STAT4: variants seen among roughly 807,000 people sequenced by gnomAD.
STAT4 encodes the protein signal transducer and activator of transcription 4.
Under a neutral mutation model 110.5 loss-of-function variants are expected in STAT4, and 42 were observed. The ratio of observed to expected loss-of-function variants is 0.38; its 90% CI spans 0.30 to 0.49. STAT4 has a LOEUF of 0.49. STAT4 is among the 20% of genes least tolerant of loss of function. The pLI, the probability that STAT4 is intolerant of heterozygous loss-of-function variation, is 0.95. For synonymous variants in STAT4, 284 were observed against 302.2 expected (o/e 0.94, Z 0.63); for missense variants, 632 against 887.9 (o/e 0.71, Z 3.66).
In STAT4 at chr2:191,061,177, A is replaced by G. The variant is rs1696837908; in HGVS notation, c.1034+552T>C. Among the ~76,000 whole-genome samples, 1 of 152,224 alleles carries G rather than the reference A, an allele frequency of 6.6e-6. No individual in the cohort carries two copies. The highest frequency in any genetic ancestry group is 2.4e-5 in the African/African-American group (1 of 41,458). ...AGTTATGTCTTTAAATCAGGTACAC[A>G]ATAGGGACATATGGAAAACTGTGGT... On this transcript the variant is annotated intron_variant, in intron 10 of 23. Transcript: ENST00000392320. The surrounding 1 kb of genome is among the most constrained non-coding windows in gnomAD (Gnocchi z 6.2).
rs1399869462 is a variant in STAT4, at chr2:191,039,189, TAG to T, written c.1434+8_1434+9del. The T allele has an allele frequency of 1.9e-6, 3 of 1,607,812 alleles. No homozygotes were observed. The highest frequency in any genetic ancestry group is 2.7e-5 in the African/African-American group (2 of 74,776). ...AGCATTAAAGAAGTTGAGGTAGAAA[TAG>T]AGTCTACCTGGGAATCGTTGGTTGA... is the stretch of plus-strand genomic sequence containing the variant. On this transcript the variant is annotated splice_region_variant and intron_variant, in intron 16 of 23. Transcript: ENST00000392320. This position sits in a 1 kb window ranked among gnomAD's most constrained non-coding sequence, Gnocchi z 4.7.
chr2:191,035,620 A>C lies in STAT4; in HGVS notation c.1570+544T>G, dbSNP rs1054805300. 1.2e-4 allele frequency among the ~76,000 whole-genome samples: 19 copies of C among 152,258 alleles called. No homozygotes were observed. Among genetic ancestry groups the C allele is most frequent in the African/African-American group, 4.6e-4 (19 of 41,462 alleles). ...CCAGTGACTCTATTTTGCAAACTTT[A>C]GAAATCTCAGTCAAAGCTGAAACTT... On this transcript the variant is annotated intron_variant, in intron 17 of 23. Transcript: ENST00000392320. The surrounding 1 kb of genome is among the most constrained non-coding windows in gnomAD (Gnocchi z 4.7).
chr2:191,062,292 A>C lies in STAT4; in HGVS notation c.941+470T>G, dbSNP rs1458569635. 6.6e-6 allele frequency among the ~76,000 whole-genome samples: 1 copy of C among 152,114 alleles called. No individual in the cohort carries two copies. Among genetic ancestry groups the C allele is most frequent in the Non-Finnish European group, 1.5e-5 (1 of 67,992 alleles). ...GGCTGTTCTACAACTCCTGAGCTCAAGCAACCCCTTGCCTCAGCCTCCCAA... is the reference window on the plus strand; with the variant it reads ...GGCTGTTCTACAACTCCTGAGCTCACGCAACCCCTTGCCTCAGCCTCCCAA... On this transcript the variant is annotated intron_variant, in intron 9 of 23. Coordinates refer to ENST00000392320, the MANE Select transcript of STAT4 (RefSeq NM_003151.4). The surrounding 1 kb of genome is among the most constrained non-coding windows in gnomAD (Gnocchi z 4.9).
In STAT4 at chr2:191,049,099, C is replaced by CT. The variant is rs149236472; in HGVS notation, c.1251+5390dup. Among the ~76,000 whole-genome samples the CT allele has an allele frequency of 4.7e-3, 702 of 149,890 alleles. 6 individuals carry two copies. Among genetic ancestry groups the CT allele is most frequent in the Middle Eastern group, 0.031 (9 of 286 alleles). On this transcript the variant is annotated intron_variant, in intron 14 of 23. Coordinates refer to ENST00000392320, the MANE Select transcript of STAT4 (RefSeq NM_003151.4). ...GGTCTAGATGTCACCATAGTCTTCT[C>CT]TGTCTCCTCTGCTCAGTGTCTAATA...
rs1486711032 is a variant in STAT4, at chr2:191,039,119, A to C, written c.1434+80T>G. 34 of 1,282,302 alleles carry C rather than the reference A, an allele frequency of 2.7e-5. No homozygotes were observed. Among genetic ancestry groups the C allele is most frequent in the Non-Finnish European group, 3.9e-5 (34 of 879,438 alleles). 79.4% of individuals were successfully genotyped at this position (1,282,302 alleles called of 1,614,324 possible). On this transcript the variant is annotated intron_variant, in intron 16 of 23. Coordinates refer to ENST00000392320, the MANE Select transcript of STAT4 (RefSeq NM_003151.4). This position sits in a 1 kb window ranked among gnomAD's most constrained non-coding sequence, Gnocchi z 4.7. ...CACCCCACACCCCACTGGCACACAC[A>C]TGTTTTGATGCAGATGTGTTTGTTG...
At chr2:191,108,676 C>G (rs902313959) in intron 3 of STAT4, among the ~76,000 whole-genome samples, 2 of 152,136 alleles carry the variant, frequency 1.3e-5, no homozygotes, top group African/African-American at 4.8e-5. Flanking sequence ...TCAACATCAG[C>G]AAAACGGTGA....
chr2:191,099,613 AAAC>A lies in STAT4; in HGVS notation c.274-23291_274-23289del, dbSNP rs1168774755. On this transcript the variant is annotated intron_variant, in intron 3 of 23. Transcript: ENST00000392320. This position sits in a 1 kb window ranked among gnomAD's most constrained non-coding sequence, Gnocchi z 4.1. Reference sequence around the variant, plus strand: ...TATTTCATCATTTACAAAATTTCATAAACAACACACATGTACACATTATATTTT... The same window carrying A: ...TATTTCATCATTTACAAAATTTCATAAACACACATGTACACATTATATTTT... 2.6e-5 allele frequency among the ~76,000 whole-genome samples: 4 copies of A among 152,190 alleles called. No individual in the cohort carries two copies. Among genetic ancestry groups the A allele is most frequent in the Non-Finnish European group, 1.5e-5 (1 of 67,994 alleles).
intron 3 of STAT4, among the ~76,000 whole-genome samples, chr2:191,123,560 G>A (rs1177307876): frequency 6.6e-6 from 1 of 152,166 alleles, no homozygotes; most frequent in African/African-American, 2.4e-5. Flanking sequence ...ATCATCAGTT[G>A]AAAATATTCT....
At chr2:191,076,432 G>T in intron 3 of STAT4, 107 bp from the exon 4 acceptor site, 2 of 799,148 alleles carry the variant, frequency 2.5e-6, no homozygotes, top group Non-Finnish European at 4.0e-6. Context: ...TATTAAATAT[G>T]TGAAATTACT....
At position 191,045,440 on chromosome 2, in the gene STAT4, A is replaced by G. The variant is rs182422271; in HGVS notation, c.1252-4292T>C. Among the ~76,000 whole-genome samples, 221 of 152,290 alleles carry G rather than the reference A, an allele frequency of 1.5e-3. 1 individual carries two copies. The highest frequency in any genetic ancestry group is 1.7e-3 in the Non-Finnish European group (118 of 68,024). The stretch of plus-strand genomic sequence containing the variant: ...CTCATTGTGTTTAATCTCAAAAAGG[A>G]GGTGGAAAATTTGGAGATATAAAGC... On this transcript the variant is annotated intron_variant, in intron 14 of 23. Transcript: ENST00000392320.
intron 3 of STAT4, among the ~76,000 whole-genome samples, chr2:191,137,340 G>GA (rs1173825730): frequency 6.6e-6 from 1 of 151,552 alleles, no homozygotes; most frequent in African/African-American, 2.4e-5. Context: ...TCAAAAAAAA[G>GA]AAAAAAAATT....
intron 13 of STAT4, among the ~76,000 whole-genome samples, chr2:191,054,911 G>GGC (rs1696637706): frequency 2.6e-5 from 4 of 152,200 alleles, no homozygotes; most frequent in Non-Finnish European, 5.9e-5. Flanking sequence ...CAAGTCTAAC[G>GGC]AAGACTAGAA....
In STAT4 at chr2:191,077,215, T is replaced by TG. The variant is rs1486253019; in HGVS notation, c.274-891dup. 6.6e-6 allele frequency among the ~76,000 whole-genome samples: 1 copy of TG among 152,186 alleles called. No homozygotes were observed. Among genetic ancestry groups the TG allele is most frequent in the African/African-American group, 2.4e-5 (1 of 41,438 alleles). ...CCTAATTCAGCCATCAGTTACTTGG[T>TG]GCAAATTAAAATACTGGAATCCCTT... On this transcript the variant is annotated intron_variant, in intron 3 of 23. Coordinates refer to ENST00000392320, the MANE Select transcript of STAT4 (RefSeq NM_003151.4). This position sits in a 1 kb window ranked among gnomAD's most constrained non-coding sequence, Gnocchi z 4.1.
At chr2:191,057,935 A>G in intron 13 of STAT4, 83 bp downstream of exon 13, 1 of 1,199,046 alleles carries the variant, frequency 8.3e-7, no homozygotes, top group East Asian at 2.4e-5. Context: ...TAAGCACAAA[A>G]CATACTGAAT....
Position 191,042,841 on chromosome 2 carries a change from A to T in STAT4, c.1252-1693T>A, listed in dbSNP as rs1391684830. Among the ~76,000 whole-genome samples the T allele has an allele frequency of 6.6e-6, 1 of 151,288 alleles. No individual in the cohort carries two copies. Among genetic ancestry groups the T allele is most frequent in the African/African-American group, 2.4e-5 (1 of 41,058 alleles). On this transcript the variant is annotated intron_variant, in intron 14 of 23. Coordinates refer to ENST00000392320, the MANE Select transcript of STAT4 (RefSeq NM_003151.4). The surrounding 1 kb of genome is among the most constrained non-coding windows in gnomAD (Gnocchi z 4.2). The stretch of plus-strand genomic sequence containing the variant: ...GTTGCCCAGGCTGGAGTGCAGTGGC[A>T]CAATCTCGGCTCACTGCAACCTCCG...
At chr2:191,108,748 T>G (rs1482835964) in intron 3 of STAT4, among the ~76,000 whole-genome samples, 3 of 152,246 alleles carry the variant, frequency 2.0e-5, no homozygotes, top group Non-Finnish European at 4.4e-5. Context: ...TGGTTGGGCC[T>G]GACGGATTTA....
chr2:191,034,708 A>G, intron 17 of STAT4, 111 bp from the exon 18 acceptor site: 1 of 784,826 alleles, frequency 1.3e-6, no homozygotes, highest in South Asian at 1.4e-5. Context: ...TAAGCACTTG[A>G]TATGGGTTTG....
At chr2:191,048,916 A>G (rs16833214) in intron 14 of STAT4, among the ~76,000 whole-genome samples, 37,681 of 151,504 alleles carry the variant, frequency 0.25, 5,230 homozygotes, top group East Asian at 0.45. Context: ...TATATGGTAC[A>G]TCACATTATA....
At position 191,053,993 on chromosome 2, in the gene STAT4, T is replaced by TGG. The variant is rs2125205040; in HGVS notation, c.1251+495_1251+496dup. ...AAATACAAAAACTAGCCAGGTATGG[T>TGG]GGCACATGCCTATAGTCCCAGCTAC... is the stretch of plus-strand genomic sequence containing the variant. On this transcript the variant is annotated intron_variant, in intron 14 of 23. Transcript: ENST00000392320. This position sits in a 1 kb window ranked among gnomAD's most constrained non-coding sequence, Gnocchi z 4.5. Among the ~76,000 whole-genome samples, 1 of 152,068 alleles carries TGG rather than the reference T, an allele frequency of 6.6e-6. No homozygotes were observed. Among genetic ancestry groups the TGG allele is most frequent in the African/African-American group, 2.4e-5 (1 of 41,490 alleles).
Sources: gnomAD v4.1 joint callset for allele counts (sites outside exome capture counted in the v4.1 genomes callset) on GRCh38, gnomAD v4.1.1 for gene constraint, Gnocchi (gnomAD v3.1) non-coding constraint, MANE v1.5 for transcripts, NCBI Gene and HGNC (gene_info 2026-07-23, HGNC 2026-07-21) for gene names.